TSHZ2: variants seen among roughly 807,000 people sequenced by gnomAD.
TSHZ2 encodes teashirt homolog 2.
TSHZ2 carries 21 observed loss-of-function variants against 74.4 expected under a neutral mutation model. The observed-to-expected ratio is 0.28, with a 90% CI of 0.20 to 0.41. The LOEUF (loss-of-function observed/expected upper bound fraction) is 0.41, where lower values mean the gene tolerates loss of function less well. Among genes scored for constraint, TSHZ2 ranks in the 10% least tolerant of loss-of-function variants. The probability of loss-of-function intolerance (pLI) is 1.00; values close to 1 mark genes in which losing one functional copy is unlikely to be tolerated. For missense variants in TSHZ2, 1,244 were observed against 1,293.5 expected (o/e 0.96, Z 0.59); for synonymous variants, 540 against 515.3 (o/e 1.05, Z -0.65).
At chr20:53,310,001 G>A (rs2145498737) in intron 2 of TSHZ2, among the ~76,000 whole-genome samples, 1 of 152,288 alleles carries the variant, frequency 6.6e-6, no homozygotes, top group Non-Finnish European at 1.5e-5. Context: ...AAAGAAAATT[G>A]TTGAGCATCT....
chr20:53,393,203 T>C (rs1451819577), intron 2 of TSHZ2, among the ~76,000 whole-genome samples: 1 of 152,220 alleles, frequency 6.6e-6, no homozygotes, highest in Non-Finnish European at 1.5e-5. Context: ...ATTGTCTCCT[T>C]CTTTGTGTCC....
In TSHZ2 at chr20:53,253,617, G is replaced by T; in HGVS notation, c.159G>T (p.Glu53Asp). The change falls in exon 2 of 3, where the codon GAG (glutamate) becomes GAT (aspartate). Residue 53 changes from glutamate to aspartate, a missense_variant. Transcript: ENST00000371497. ...QGGNDTGTDEELETGPEQKGC... is the reference protein window; with the variant it reads ...QGGNDTGTDEDLETGPEQKGC... Reference sequence around the variant, plus strand: ...GCAATGACACAGGGACGGACGAGGAGCTAGAAACGGGCCCAGAGCAAAAAG... The same window carrying T: ...GCAATGACACAGGGACGGACGAGGATCTAGAAACGGGCCCAGAGCAAAAAG... 1 of 1,614,172 alleles carries T rather than the reference G, an allele frequency of 6.2e-7. No homozygotes were observed. The highest frequency in any genetic ancestry group is 1.1e-5 in the South Asian group (1 of 91,080).
intron 1 of TSHZ2, among the ~76,000 whole-genome samples, chr20:53,162,852 A>G (rs1487249625): frequency 1.3e-5 from 2 of 152,242 alleles, no homozygotes; most frequent in South Asian, 2.1e-4. Context: ...AGTTAATTTC[A>G]GAGTTGGAAG....
intron 2 of TSHZ2, among the ~76,000 whole-genome samples, chr20:53,348,905 G>A (rs903262862): frequency 3.3e-5 from 5 of 152,154 alleles, no homozygotes; most frequent in Admixed American, 2.0e-4. Flanking sequence ...GCTGCCTTCC[G>A]AGCCCCGCAA....
chr20:53,436,753 G>A (rs1984098716), intron 2 of TSHZ2, among the ~76,000 whole-genome samples: 1 of 151,376 alleles, frequency 6.6e-6, no homozygotes, highest in African/African-American at 2.4e-5. Flanking sequence ...GCTTCACCAT[G>A]TTGGCCAGGC....
rs201115697 is a variant in TSHZ2, at chr20:53,357,507, TA to T, written c.*8+100946del. Among the ~76,000 whole-genome samples, 76 of 149,270 alleles carry T rather than the reference TA, an allele frequency of 5.1e-4. 1 individual carries two copies. Among genetic ancestry groups the T allele is most frequent in the Admixed American group, 4.7e-4 (7 of 14,960 alleles). Reference sequence around the variant, plus strand: ...TAGTGAGACGCTGTCTCTATTTTATTAAAAAAAAAATAAAATTAAATAAAAT... The same window carrying T: ...TAGTGAGACGCTGTCTCTATTTTATTAAAAAAAAATAAAATTAAATAAAAT... On this transcript the variant is annotated intron_variant, in intron 2 of 2. Transcript: ENST00000371497.
chr20:53,131,302 G>A (rs1987094594), intron 1 of TSHZ2, among the ~76,000 whole-genome samples: 2 of 152,210 alleles, frequency 1.3e-5, no homozygotes, highest in African/African-American at 4.8e-5. Flanking sequence ...TGCTGACAAT[G>A]TGATCATGTT....
At chr20:53,435,466 A>T (rs568790654) in intron 2 of TSHZ2, among the ~76,000 whole-genome samples, 1 of 152,344 alleles carries the variant, frequency 6.6e-6, no homozygotes, top group Non-Finnish European at 1.5e-5. Flanking sequence ...ATGTGAAAAA[A>T]CAAAATAAGG....
At chr20:53,192,839 G>T (rs756578289) in intron 1 of TSHZ2, among the ~76,000 whole-genome samples, 5 of 152,154 alleles carry the variant, frequency 3.3e-5, no homozygotes, top group Non-Finnish European at 5.9e-5. Context: ...ACTTTTCATT[G>T]TTTTGGCTGG....
intron 2 of TSHZ2, among the ~76,000 whole-genome samples, chr20:53,426,969 A>G (rs2145726022): frequency 6.6e-6 from 1 of 152,314 alleles, no homozygotes; most frequent in Middle Eastern, 3.4e-3. Context: ...TTTGTGGGGC[A>G]CCAATGATTA....
chr20:53,380,632 G>T (rs977367171), intron 2 of TSHZ2, among the ~76,000 whole-genome samples: 10 of 152,166 alleles, frequency 6.6e-5, no homozygotes, highest in African/African-American at 2.4e-4. Context: ...GGGGCAGAAG[G>T]TAGGGATGAA....
At chr20:53,178,243 A>C (rs1191639461) in intron 1 of TSHZ2, 1 of 151,868 alleles carries the variant, frequency 6.6e-6, no homozygotes. Flanking sequence ...GACACTCGGC[A>C]CCTCCCGCGA....
chr20:53,450,211 C>T (rs1404194062), intron 2 of TSHZ2, among the ~76,000 whole-genome samples: 2 of 152,214 alleles, frequency 1.3e-5, no homozygotes, highest in African/African-American at 2.4e-5. Flanking sequence ...GTGCTTTTGG[C>T]CTGGTCTCTC....
At chr20:53,369,824 G>A (rs915367123) in intron 2 of TSHZ2, among the ~76,000 whole-genome samples, 11 of 152,292 alleles carry the variant, frequency 7.2e-5, no homozygotes, top group Admixed American at 2.6e-4. Flanking sequence ...GGTTTTCAAC[G>A]ACCTCATGAA....
At chr20:53,226,160 A>G (rs572657609) in intron 1 of TSHZ2, among the ~76,000 whole-genome samples, 240 of 136,058 alleles carry the variant, frequency 1.8e-3, no homozygotes, top group African/African-American at 6.1e-3. Flanking sequence ...ACACACACAC[A>G]TGCACACAAA....
chr20:53,221,855 C>A (rs550571204), intron 1 of TSHZ2, among the ~76,000 whole-genome samples: 1 of 152,238 alleles, frequency 6.6e-6, no homozygotes, highest in Admixed American at 6.5e-5. Context: ...ATTTTCTGGA[C>A]ACATTTAAAA....
At chr20:53,103,699 AC>A (rs2123300417) in intron 1 of TSHZ2, among the ~76,000 whole-genome samples, 1 of 152,202 alleles carries the variant, frequency 6.6e-6, no homozygotes, top group African/African-American at 2.4e-5. Flanking sequence ...CTTGCCCCTC[AC>A]CATTTCAGTT....
chr20:53,097,483 A>G (rs1299258533), intron 1 of TSHZ2, among the ~76,000 whole-genome samples: 2 of 152,152 alleles, frequency 1.3e-5, no homozygotes. Flanking sequence ...AGACTCCTAG[A>G]TCACACTTGT....
At chr20:53,133,279 G>A (rs555386737) in intron 1 of TSHZ2, among the ~76,000 whole-genome samples, 80 of 152,288 alleles carry the variant, frequency 5.3e-4, no homozygotes, top group Admixed American at 2.7e-3. Context: ...GCTCTGAGCT[G>A]CCTGTTCCTT....
Sources: allele counts gnomAD v4.1 joint callset (sites outside exome capture counted in the v4.1 genomes callset), GRCh38; gene constraint gnomAD v4.1.1; transcripts MANE v1.5; gene names NCBI Gene and HGNC (gene_info 2026-07-23, HGNC 2026-07-21).